The following VRK2 variants were observed in gnomAD, a reference collection of about 807,000 sequenced individuals.
The protein encoded by VRK2 is serine/threonine-protein kinase VRK2.
VRK2 carries 60 observed loss-of-function variants against 57.6 expected under a neutral mutation model. That is an observed-to-expected ratio of 1.04 (90% CI 0.85 to 1.29). VRK2 has a LOEUF of 1.29. VRK2 is among the 50% of genes most tolerant of loss of function. VRK2 has a pLI of 0.00. For synonymous variants in VRK2, 231 were observed against 199.2 expected (o/e 1.16, Z -1.35); for missense variants, 705 against 588.1 (o/e 1.20, Z -2.06).
intron 1 of VRK2, among the ~76,000 whole-genome samples, chr2:58,001,257 T>C (rs552693380): frequency 1.4e-4 from 21 of 152,216 alleles, no homozygotes; most frequent in Non-Finnish European, 2.8e-4. Flanking sequence ...TAATCATTCC[T>C]CCTGATATTC....
chr2:58,132,784 G>T (rs952294414), intron 9 of VRK2, among the ~76,000 whole-genome samples: 1 of 152,122 alleles, frequency 6.6e-6, no homozygotes, highest in East Asian at 1.9e-4. Context: ...TACTGAGAAA[G>T]ATTAGCCTGC....
At chr2:57,910,431 A>C (rs994362133) in intron 1 of VRK2, among the ~76,000 whole-genome samples, 1 of 152,200 alleles carries the variant, frequency 6.6e-6, no homozygotes, top group African/African-American at 2.4e-5. Context: ...TTCATACCCC[A>C]GTCTCTTCAT....
intron 1 of VRK2, among the ~76,000 whole-genome samples, chr2:57,913,105 CTAT>C (rs956047806): frequency 7.2e-5 from 11 of 152,154 alleles, no homozygotes; most frequent in African/African-American, 2.7e-4. Context: ...ACCATACGGT[CTAT>C]GATATTTTTG....
intron 1 of VRK2, among the ~76,000 whole-genome samples, chr2:57,954,523 T>C (rs1671523057): frequency 6.6e-6 from 1 of 152,118 alleles, no homozygotes; most frequent in Non-Finnish European, 1.5e-5. Context: ...ATCTTCAATA[T>C]GCAGTGTTTT....
At chr2:58,091,779 A>T (rs1291932049) in intron 7 of VRK2, among the ~76,000 whole-genome samples, 1 of 152,130 alleles carries the variant, frequency 6.6e-6, no homozygotes, top group Non-Finnish European at 1.5e-5. Flanking sequence ...AAGGAATATG[A>T]CTGTCCTAGA....
rs1572941003 is a variant in VRK2 at position 57,988,276 on chromosome 2, A to AGATTAGAAAT, written c.-438-37389_-438-37388insGATTAGAAAT. ...AAAATATTTATGTTAAAATCTCTTC[A>AGATTAGAAAT]CATAGTTTTATGATTTCTACTTCTT... On this transcript the variant is annotated intron_variant, in intron 1 of 15. Coordinates refer to the VRK2 transcript ENST00000417641. 2.0e-5 allele frequency among the ~76,000 whole-genome samples: 3 copies of AGATTAGAAAT among 152,202 alleles called. No individual in the cohort carries two copies. In the East Asian group the frequency reaches 5.8e-4, roughly 29 times the overall value.
chr2:57,928,031 G>A (rs1282924790), intron 1 of VRK2, among the ~76,000 whole-genome samples: 2 of 151,930 alleles, frequency 1.3e-5, no homozygotes, highest in Non-Finnish European at 2.9e-5. Flanking sequence ...AATCTCCTTG[G>A]TGTTATATAA....
chr2:58,067,683 T>G (rs1668791176), intron 2 of VRK2, among the ~76,000 whole-genome samples: 1 of 152,100 alleles, frequency 6.6e-6, no homozygotes, highest in Admixed American at 6.6e-5. Flanking sequence ...TTAAATATTG[T>G]GGTTGTCTTG....
chr2:57,965,286 C>G (rs1486821238), intron 1 of VRK2, among the ~76,000 whole-genome samples: 1 of 152,064 alleles, frequency 6.6e-6, no homozygotes, highest in Admixed American at 6.5e-5. Context: ...CAGGCTCTTT[C>G]AAAAAATAGT....
At chr2:57,971,151 G>T (rs559931395) in intron 1 of VRK2, among the ~76,000 whole-genome samples, 1 of 152,028 alleles carries the variant, frequency 6.6e-6, no homozygotes, top group South Asian at 2.1e-4. Context: ...TTATTACAGA[G>T]AAATAATACA....
At chr2:58,131,455 T>C (rs1490395501) in intron 8 of VRK2, among the ~76,000 whole-genome samples, 1 of 151,972 alleles carries the variant, frequency 6.6e-6, no homozygotes, top group Non-Finnish European at 1.5e-5. Context: ...CAGACATTTA[T>C]TTCTTTGTTT....
intron 9 of VRK2, 32 bp from the exon 10 acceptor site, chr2:58,135,109 T>A (rs750445675): frequency 1.1e-4 from 185 of 1,611,056 alleles, no homozygotes; most frequent in Middle Eastern, 3.3e-4. Flanking sequence ...GTTGAAAACA[T>A]GTTCATTGTG....
chr2:57,911,400 G>C (rs938537465), intron 1 of VRK2, among the ~76,000 whole-genome samples: 5 of 152,146 alleles, frequency 3.3e-5, no homozygotes, highest in Non-Finnish European at 7.4e-5. Context: ...CATATTGAAA[G>C]CCTTGAGAAA....
At chr2:57,951,984 A>G (rs1202919938) in intron 1 of VRK2, among the ~76,000 whole-genome samples, 2 of 144,880 alleles carry the variant, frequency 1.4e-5, no homozygotes, top group Admixed American at 7.0e-5. Context: ...GTGTTGCACT[A>G]CTAGCCTCAA....
At chr2:58,114,032 G>A in intron 7 of VRK2, among the ~76,000 whole-genome samples, 1 of 152,168 alleles carries the variant, frequency 6.6e-6, no homozygotes, top group Non-Finnish European at 1.5e-5. Flanking sequence ...TAAGCTGAAG[G>A]GAGGTCTTGT....
chr2:58,064,648 C>T (rs1356063733), intron 2 of VRK2, among the ~76,000 whole-genome samples: 1 of 151,984 alleles, frequency 6.6e-6, no homozygotes, highest in East Asian at 1.9e-4. Context: ...GGAACCGAAC[C>T]TGCAGTATCT....
exon 3 of VRK2, chr2:58,033,467 G>T (rs1163060628): frequency 6.6e-6 from 1 of 151,958 alleles, no homozygotes; most frequent in Non-Finnish European, 1.5e-5. Context: ...AGCCTGAAAA[G>T]TCAAAGAAAT....
intron 12 of VRK2, among the ~76,000 whole-genome samples, chr2:58,151,310 C>T (rs1682986020): frequency 6.6e-6 from 1 of 151,600 alleles, no homozygotes; most frequent in Non-Finnish European, 1.5e-5. Context: ...GTTAACTGTC[C>T]TGTTCATCAT....
chr2:57,998,265 A>G (rs1310408745), intron 1 of VRK2, among the ~76,000 whole-genome samples: 1 of 152,248 alleles, frequency 6.6e-6, no homozygotes, highest in Non-Finnish European at 1.5e-5. Flanking sequence ...CACCCTATCC[A>G]TAATTAGCAC....
Sources: gnomAD v4.1 joint callset for allele counts (sites outside exome capture counted in the v4.1 genomes callset) on GRCh38, gnomAD v4.1.1 for gene constraint, MANE v1.5 for transcripts, NCBI Gene and HGNC (gene_info 2026-07-23, HGNC 2026-07-21) for gene names.